Variants in TENM3 observed in about 807,000 individuals in gnomAD.
TENM3 encodes the protein teneurin transmembrane protein 3, also known as teneurin-3.
Under a neutral mutation model 255.1 loss-of-function variants are expected in TENM3, and 63 were observed. The observed-to-expected ratio is 0.25, with a 90% confidence interval of 0.20 to 0.30. The LOEUF is 0.30. Ranked by LOEUF, TENM3 falls within the 10% of genes least tolerant of loss-of-function variation. TENM3 has a pLI of 1.00. For synonymous variants in TENM3, 1,306 were observed against 1,322.3 expected (o/e 0.99, Z 0.27); for missense variants, 2,929 against 3,461.1 (o/e 0.85, Z 3.86).
chr4:182,777,930 G>A (rs964671061), intron 24 of TENM3, among the ~76,000 whole-genome samples: 2 of 151,516 alleles, frequency 1.3e-5, no homozygotes, highest in African/African-American at 4.8e-5. Flanking sequence ...TAAGAAAACA[G>A]CAATGTAAAA....
intron 5 of TENM3, chr4:182,631,658 C>T (rs973004906): frequency 6.6e-6 from 1 of 152,148 alleles, no homozygotes; most frequent in Non-Finnish European, 1.5e-5. Flanking sequence ...ATGAGGAAGA[C>T]CAATGTCATC....
At chr4:182,537,206 T>A (rs1334299040) in intron 3 of TENM3, among the ~76,000 whole-genome samples, 1 of 152,244 alleles carries the variant, frequency 6.6e-6, no homozygotes, top group African/African-American at 2.4e-5. Context: ...TCTCTCGTCA[T>A]CCTGTGGAAC....
At chr4:182,277,421 C>A (rs1760080053) in intron 1 of TENM3, among the ~76,000 whole-genome samples, 1 of 151,976 alleles carries the variant, frequency 6.6e-6, no homozygotes, top group South Asian at 2.1e-4. Flanking sequence ...CAGGTATTTT[C>A]AAGCACTCTT....
the TENM3 span, among the ~76,000 whole-genome samples, chr4:182,022,986 C>A: frequency 6.6e-6 from 1 of 152,168 alleles, no homozygotes; most frequent in South Asian, 2.1e-4. Flanking sequence ...TTGCCCTGAG[C>A]AGATGCGTTT....
chr4:182,100,723 A>T, the TENM3 span, among the ~76,000 whole-genome samples: 2 of 129,484 alleles, frequency 1.5e-5, no homozygotes, highest in African/African-American at 5.7e-5. Context: ...ATATATATAC[A>T]CACATATATA....
chr4:181,557,598 C>A, the TENM3 span, among the ~76,000 whole-genome samples: 1 of 152,292 alleles, frequency 6.6e-6, no homozygotes, highest in South Asian at 2.1e-4. Flanking sequence ...GCAATCACAG[C>A]TCACTGCAGC....
the TENM3 span, among the ~76,000 whole-genome samples, chr4:181,518,416 T>TGTTTG: frequency 1.3e-4 from 20 of 152,072 alleles, no homozygotes; most frequent in Non-Finnish European, 1.0e-4. Flanking sequence ...TTGTTGTTGT[T>TGTTTG]GTTTGGTTTG....
At chr4:181,475,356 G>GT in the TENM3 span, among the ~76,000 whole-genome samples, 676 of 152,132 alleles carry the variant, frequency 4.4e-3, 2 homozygotes, top group Non-Finnish European at 8.1e-3. Flanking sequence ...AGAGTTCTGG[G>GT]TTTTTTTTAT....
the TENM3 span, among the ~76,000 whole-genome samples, chr4:181,646,764 C>T: frequency 6.6e-6 from 1 of 152,088 alleles, no homozygotes; most frequent in African/African-American, 2.4e-5. Flanking sequence ...ACCCTGCCTC[C>T]CCTGGGTACA....
chr4:182,448,601 C>G (rs1416487906), intron 3 of TENM3, among the ~76,000 whole-genome samples: 1 of 152,082 alleles, frequency 6.6e-6, no homozygotes, highest in African/African-American at 2.4e-5. Flanking sequence ...AGCTCTGAGG[C>G]GGGATCAAAA....
the TENM3 span, among the ~76,000 whole-genome samples, chr4:181,768,474 A>G: frequency 6.6e-6 from 1 of 152,264 alleles, no homozygotes; most frequent in Non-Finnish European, 1.5e-5. Flanking sequence ...TAGTCTTAAT[A>G]CAAAAATAGT....
intron 3 of TENM3, among the ~76,000 whole-genome samples, chr4:182,564,565 T>C (rs1282200053): frequency 1.4e-5 from 2 of 140,474 alleles, no homozygotes; most frequent in East Asian, 4.2e-4. Flanking sequence ...TGTTTTTTTG[T>C]TTTTGTTTTT....
chr4:182,437,901 G>A lies in TENM3; in HGVS notation c.511+90972G>A, dbSNP rs181519247. ...CAGGAAGCAGTGGTTGCAGTGAGCC[G>A]AGATAGCACCACAGCACTCCAGCCT... On this transcript the variant is annotated intron_variant, in intron 3 of 27. Transcript: ENST00000511685. Among the ~76,000 whole-genome samples the A allele has an allele frequency of 1.6e-4, 24 of 152,068 alleles. No individual in the cohort carries two copies. The East Asian group carries it at 4.3e-3, about 27-fold the overall frequency.
At chr4:181,677,351 AC>A in the TENM3 span, among the ~76,000 whole-genome samples, 3 of 151,666 alleles carry the variant, frequency 2.0e-5, no homozygotes, top group East Asian at 5.8e-4. Flanking sequence ...GTCTTCCTCC[AC>A]CCCCTGCTCC....
chr4:182,774,884 T>C (rs1163683430), intron 23 of TENM3, 34 bp from the exon 24 acceptor site: 1 of 1,485,130 alleles, frequency 6.7e-7, no homozygotes, highest in African/African-American at 1.4e-5. Context: ...AATCCATATC[T>C]AATAGTTCAT....
intron 1 of TENM3, among the ~76,000 whole-genome samples, chr4:182,310,527 G>C (rs969557301): frequency 6.6e-6 from 1 of 152,138 alleles, no homozygotes; most frequent in Admixed American, 6.6e-5. Context: ...ATTCCCAGTA[G>C]TTTCACCAGA....
At chr4:181,768,121 G>T in the TENM3 span, among the ~76,000 whole-genome samples, 2 of 152,208 alleles carry the variant, frequency 1.3e-5, no homozygotes, top group African/African-American at 4.8e-5. Flanking sequence ...ATTTAGCAGA[G>T]TTTTGGATAA....
At chr4:182,640,882 A>G (rs1197323546) in intron 5 of TENM3, among the ~76,000 whole-genome samples, 2 of 152,210 alleles carry the variant, frequency 1.3e-5, no homozygotes, top group African/African-American at 4.8e-5. Flanking sequence ...CAGGCTTCAT[A>G]AGAACGTTTT....
At chr4:181,653,246 T>C in the TENM3 span, among the ~76,000 whole-genome samples, 1 of 152,078 alleles carries the variant, frequency 6.6e-6, no homozygotes, top group African/African-American at 2.4e-5. Context: ...ACAACACAGA[T>C]TGCTAGGCCC....
Sources: gnomAD v4.1 joint callset for allele counts (sites outside exome capture counted in the v4.1 genomes callset) on GRCh38, gnomAD v4.1.1 for gene constraint, MANE v1.5 for transcripts, NCBI Gene and HGNC (gene_info 2026-07-23, HGNC 2026-07-21) for gene names.